SELENOP: variants seen among roughly 807,000 people sequenced by gnomAD.
SELENOP encodes selenoprotein P.
In SELENOP, 36 loss-of-function variants were observed where a neutral mutation model predicts 41.0. The ratio of observed to expected loss-of-function variants is 0.88; its 90% CI spans 0.67 to 1.16. The LOEUF (loss-of-function observed/expected upper bound fraction) is 1.16. Among genes scored for constraint, SELENOP ranks in the 50% most tolerant of loss-of-function variants. The pLI is 0.00. For missense variants in SELENOP, 440 were observed against 454.2 expected (o/e 0.97, Z 0.28); for synonymous variants, 144 against 150.8 (o/e 0.95, Z 0.33).
chr5:42,811,538 A>G (rs752404928), intron 1 of SELENOP, among the ~76,000 whole-genome samples: 3 of 152,190 alleles, frequency 2.0e-5, no homozygotes, highest in African/African-American at 4.8e-5. Context: ...AATACTGCCT[A>G]TGTAACATCA....
chr5:42,811,261 A>G (rs1183031476), intron 1 of SELENOP, among the ~76,000 whole-genome samples: 5 of 152,234 alleles, frequency 3.3e-5, no homozygotes, highest in Admixed American at 3.3e-4. Context: ...TTTAAAATAC[A>G]AAAGTTTGCA....
chr5:42,807,156 T>C (rs1760350972), intron 2 of SELENOP, 48 bp from the exon 3 acceptor site: 1 of 970,196 alleles, frequency 1.0e-6, no homozygotes, highest in Admixed American at 2.2e-5. Context: ...CTCATTTGAT[T>C]TGATTAGTGG....
At position 42,801,016 on chromosome 5, in the gene SELENOP, G is replaced by T; in HGVS notation, c.850C>A (p.Gln284Lys). The T allele has an allele frequency of 6.2e-7, 1 of 1,614,156 alleles. No homozygotes were observed. The highest frequency in any genetic ancestry group is 8.5e-7 in the Non-Finnish European group (1 of 1,179,994). Residue 284 changes from glutamine (Q) to lysine (K), a missense_variant, in exon 5 of 5, where the codon CAA becomes AAA. Physicochemically the swap from Gln to Lys is moderately conservative, Grantham distance 53. Coordinates refer to ENST00000514985, the MANE Select transcript of SELENOP (RefSeq NM_005410.4). ...KKLCRKRCIN[Q>K]LLCKLPTDSE... ...TCTGTGGGCAATTTACAGAGTAATTGATTTATACATCTCTTTCGACAGAGC... is the reference window on the plus strand; with the variant it reads ...TCTGTGGGCAATTTACAGAGTAATTTATTTATACATCTCTTTCGACAGAGC...
chr5:42,807,911 T>G (rs748971251), intron 2 of SELENOP: 7 of 270,560 alleles, frequency 2.6e-5, no homozygotes, highest in Non-Finnish European at 4.8e-5. Context: ...TAGTAGGAAG[T>G]TATAAAATAT....
At position 42,799,890 on chromosome 5, in the gene SELENOP, G is replaced by A. The variant is rs2111612247; in HGVS notation, c.*830C>T. 1.7e-6 allele frequency: 2 copies of A among 1,209,628 alleles called. No homozygotes were observed. The highest frequency in any genetic ancestry group is 2.9e-5 in the South Asian group (2 of 70,048). The allele number at this position is 1,209,628 out of a possible 1,614,324, so 74.9% of individuals were successfully genotyped here. ...ACATAACAAACGAAGTCAGCTTTAA[G>A]GTTTTTATTGAATTTATTTGGACAA... On this transcript the variant is annotated 3_prime_UTR_variant, in exon 5 of 5. Transcript: ENST00000514985.
At chr5:42,803,340 G>C (rs1371298125) in intron 4 of SELENOP, among the ~76,000 whole-genome samples, 1 of 152,068 alleles carries the variant, frequency 6.6e-6, no homozygotes, top group African/African-American at 2.4e-5. Context: ...TTTATTAAAT[G>C]CTTAGTATAG....
intron 4 of SELENOP, chr5:42,802,286 T>C (rs1760224895): frequency 6.6e-6 from 1 of 152,174 alleles, no homozygotes; most frequent in Admixed American, 6.5e-5. Flanking sequence ...AGCCTATAGA[T>C]ACAGAAATGT....
chr5:42,800,215 A>G lies in SELENOP; in HGVS notation c.*505T>C. ...CAAAAGATAAATGGATATTTAAAAT[A>G]GTTATATATGCTTTTTTAGCAAAAT... On this transcript the variant is annotated 3_prime_UTR_variant, in exon 5 of 5. Transcript: ENST00000514985. 1 of 157,692 alleles carries G rather than the reference A, an allele frequency of 6.3e-6. No individual in the cohort carries two copies. Among genetic ancestry groups the G allele is most frequent in the Non-Finnish European group, 1.4e-5 (1 of 71,570 alleles). The allele number at this position is 157,692 out of a possible 1,614,324, so 9.8% of individuals were successfully genotyped here.
chr5:42,801,397 A>G, intron 4 of SELENOP, 66 bp from the exon 5 acceptor site: 1 of 1,212,160 alleles, frequency 8.2e-7, no homozygotes, highest in South Asian at 1.5e-5. Context: ...GTGAAAAATG[A>G]TTTGTAGAGC....
chr5:42,806,732 T>C (rs1325476130), intron 3 of SELENOP, 164 bp downstream of exon 3: 2 of 435,578 alleles, frequency 4.6e-6, no homozygotes, highest in Admixed American at 7.4e-5. Flanking sequence ...AAATAAGGAG[T>C]GATTTTTACT....
At chr5:42,807,751 T>TTA (rs1760364556) in intron 2 of SELENOP, 1 of 154,644 alleles carries the variant, frequency 6.5e-6, no homozygotes, top group Non-Finnish European at 1.5e-5. Context: ...TTTTTTATAT[T>TTA]TATTTGTTAA....
chr5:42,805,616 A>ACTCACTTTACAGTTCAGAAATTC (rs1439193953), intron 3 of SELENOP: 2 of 152,206 alleles, frequency 1.3e-5, no homozygotes, highest in African/African-American at 4.8e-5. Flanking sequence ...TAAATGATTA[A>ACTCACTTTACAGTTCAGAAATTC]CTCACTTTAC....
At chr5:42,802,158 A>C (rs1308544984) in intron 4 of SELENOP, 1 of 152,190 alleles carries the variant, frequency 6.6e-6, no homozygotes, top group Non-Finnish European at 1.5e-5. Flanking sequence ...CTGTCAGCTG[A>C]AAATAGCAAA....
chr5:42,803,198 A>G (rs1292381440), intron 4 of SELENOP, among the ~76,000 whole-genome samples: 3 of 152,188 alleles, frequency 2.0e-5, no homozygotes, highest in Admixed American at 1.3e-4. Context: ...TGATTCACAC[A>G]TTTTAAGCAT....
intron 1 of SELENOP, chr5:42,809,870 A>G (rs1368108091): frequency 3.8e-6 from 1 of 262,806 alleles, no homozygotes; most frequent in Non-Finnish European, 5.7e-6. Flanking sequence ...ACTTATTTTA[A>G]TATTTAAAAT....
intron 2 of SELENOP, chr5:42,807,814 A>G (rs1027216077): frequency 1.3e-5 from 2 of 158,872 alleles, no homozygotes; most frequent in Non-Finnish European, 2.8e-5. Flanking sequence ...CTGACAAAAC[A>G]GTCTTCTCTG....
chr5:42,811,231 C>G (rs1039469593), intron 1 of SELENOP, among the ~76,000 whole-genome samples: 38 of 152,316 alleles, frequency 2.5e-4, no homozygotes, highest in African/African-American at 7.9e-4. Flanking sequence ...CCTAATTCAC[C>G]TGAATGCTCT....
intron 4 of SELENOP, among the ~76,000 whole-genome samples, chr5:42,803,373 A>T (rs1760255795): frequency 6.6e-6 from 1 of 152,162 alleles, no homozygotes; most frequent in Non-Finnish European, 1.5e-5. Flanking sequence ...CTTTTCTTTC[A>T]TTACTCTTAG....
intron 4 of SELENOP, 35 bp from the exon 5 acceptor site, chr5:42,801,366 T>C (rs747019440): frequency 2.0e-5 from 29 of 1,479,482 alleles, no homozygotes; most frequent in Non-Finnish European, 2.7e-5. Context: ...TTTAACAAGC[T>C]TATAGAGATA....
Sources: gnomAD v4.1 joint callset for allele counts (sites outside exome capture counted in the v4.1 genomes callset) on GRCh38, gnomAD v4.1.1 for gene constraint, MANE v1.5 for transcripts, NCBI Gene and HGNC (gene_info 2026-07-23, HGNC 2026-07-21) for gene names.